Variants in BRMS1 observed in about 807,000 individuals in gnomAD.
BRMS1 encodes the protein breast cancer metastasis-suppressor 1.
In BRMS1, 26 loss-of-function variants were observed where a neutral mutation model predicts 40.4. The ratio of observed to expected loss-of-function variants is 0.64; its 90% CI spans 0.47 to 0.89. The LOEUF is 0.89. Among genes scored for constraint, BRMS1 ranks in the 40% least tolerant of loss-of-function variants. The probability of loss-of-function intolerance (pLI) is 0.00; values close to 1 mark genes in which losing one functional copy is unlikely to be tolerated. For synonymous variants in BRMS1, 103 were observed against 116.0 expected (o/e 0.89, Z 0.72); for missense variants, 289 against 309.4 (o/e 0.93, Z 0.49).
In BRMS1 at chr11:66,340,906, G is replaced by C. The variant is rs761751057; in HGVS notation, c.439-36C>G. On this transcript the variant is annotated intron_variant, in intron 5 of 9. Coordinates refer to ENST00000359957, the MANE Select transcript of BRMS1 (RefSeq NM_015399.4). ...GGGCAATAGCTCAGCAGGACGGATG[G>C]GGTGAGGCCACTTCAGGCTTTGTGC... 1.6e-5 allele frequency: 26 copies of C among 1,613,410 alleles called. No homozygotes were observed. In the African/African-American group the frequency reaches 2.3e-4, roughly 14 times the overall value.
Position 66,341,177 on chromosome 11 carries a change from G to C in BRMS1, c.358+29C>G. 1 of 1,611,184 alleles carries C rather than the reference G, an allele frequency of 6.2e-7. No individual in the cohort carries two copies. Among genetic ancestry groups the C allele is most frequent in the East Asian group, 2.2e-5 (1 of 44,788 alleles). ...GACAGGGTGCCACGGGTTCTGGGAG[G>C]GGAAGAGGGTACAGAACCACCCACA... On this transcript the variant is annotated intron_variant, in intron 4 of 9. Coordinates refer to ENST00000359957, the MANE Select transcript of BRMS1 (RefSeq NM_015399.4). The surrounding 1 kb of genome is among the most constrained non-coding windows in gnomAD (Gnocchi z 4.9).
rs999381221 is a variant in BRMS1, at chr11:66,341,434, C to T, written c.230+99G>A. Reference sequence around the variant, plus strand: ...TCCACAGCAAGCCCGGTGTTAGGCGCGCACTTCCTGGGCACCAACCACGCC... The same window carrying T: ...TCCACAGCAAGCCCGGTGTTAGGCGTGCACTTCCTGGGCACCAACCACGCC... On this transcript the variant is annotated intron_variant, in intron 3 of 9. Coordinates refer to ENST00000359957, the MANE Select transcript of BRMS1 (RefSeq NM_015399.4). This position sits in a 1 kb window ranked among gnomAD's most constrained non-coding sequence, Gnocchi z 4.9. 23 of 1,601,586 alleles carry T rather than the reference C, an allele frequency of 1.4e-5. No homozygotes were observed. In the East Asian group the frequency reaches 1.8e-4, roughly 12 times the overall value.
chr11:66,339,523 G>C (rs1204970174), intron 7 of BRMS1, among the ~76,000 whole-genome samples: 3 of 152,224 alleles, frequency 2.0e-5, no homozygotes, highest in Non-Finnish European at 4.4e-5. Context: ...GGACAGTCGG[G>C]ACAGGCAGGA....
chr11:66,339,994 T>C (rs1247972184), intron 7 of BRMS1, 127 bp downstream of exon 7: 1 of 710,106 alleles, frequency 1.4e-6, no homozygotes, highest in Non-Finnish European at 2.4e-6. Flanking sequence ...CATATTCACA[T>C]GACACCAAGC....
chr11:66,339,903 G>A (rs112569767), intron 7 of BRMS1: 69 of 472,648 alleles, frequency 1.5e-4, no homozygotes, highest in African/African-American at 6.8e-4. Context: ...AGCCCAGCCC[G>A]TTTCTGTTTT....
Position 66,340,978 on chromosome 11 carries a change from G to C in BRMS1, c.427C>G (p.Gln143Glu), listed in dbSNP as rs781328384. The C allele has an allele frequency of 6.2e-7, 1 of 1,614,126 alleles. No homozygotes were observed. Among genetic ancestry groups the C allele is most frequent in the East Asian group, 2.2e-5 (1 of 44,870 alleles). The change falls in exon 5 of 10, where the codon CAG becomes GAG. Residue 143 changes from glutamine to glutamate, a missense_variant. By Grantham distance (29) the Gln-to-Glu change is conservative. Coordinates refer to ENST00000359957, the MANE Select transcript of BRMS1 (RefSeq NM_015399.4). Reference protein sequence around the residue: ...KYECELQGAKQHLESEKLLLY... With the variant: ...KYECELQGAKEHLESEKLLLY... ...CCAATCAGGCCCACCTCCAGGTGCT[G>C]TTTGGCTCCCTGCAGCTCACATTCG...
intron 6 of BRMS1, 42 bp downstream of exon 6, chr11:66,340,732 G>A: frequency 6.5e-7 from 1 of 1,548,680 alleles, no homozygotes; most frequent in Non-Finnish European, 8.8e-7. Context: ...GGCGTGGACT[G>A]AGCGGGGCCC....
At position 66,341,148 on chromosome 11, in the gene BRMS1, AG is replaced by A. The variant is rs1855059182; in HGVS notation, c.358+57del. On this transcript the variant is annotated intron_variant, in intron 4 of 9. Coordinates refer to ENST00000359957, the MANE Select transcript of BRMS1 (RefSeq NM_015399.4). The surrounding 1 kb of genome is among the most constrained non-coding windows in gnomAD (Gnocchi z 4.9). Reference sequence around the variant, plus strand: ...AAGGCCGGGCAGGAACGAGAGAGGAAGGGGACAGGGTGCCACGGGTTCTGGG... The same window carrying A: ...AAGGCCGGGCAGGAACGAGAGAGGAAGGGACAGGGTGCCACGGGTTCTGGG... The A allele has an allele frequency of 6.2e-7, 1 of 1,612,236 alleles. No individual in the cohort carries two copies. The highest frequency in any genetic ancestry group is 2.2e-5 in the East Asian group (1 of 44,846).
At chr11:66,344,646 T>C (rs987723577) in intron 1 of BRMS1, 5 of 152,004 alleles carry the variant, frequency 3.3e-5, no homozygotes, top group Non-Finnish European at 7.4e-5. Flanking sequence ...AGCTCACAGG[T>C]GGTAAGGGAT....
rs11827816 is a variant in BRMS1, at chr11:66,338,190, G to A, written c.733+53C>T. The stretch of plus-strand genomic sequence containing the variant: ...GCTCCTTCCTGGAAGCTGAGCTGAG[G>A]AAAGGTGATGGCAAGGGGGCAGGGA... On this transcript the variant is annotated intron_variant, in intron 9 of 9. Transcript: ENST00000359957. 3,340 of 1,598,600 alleles carry A rather than the reference G, an allele frequency of 2.1e-3. 63 individuals are homozygous for A. The African/African-American group carries it at 0.04, about 19-fold the overall frequency.
At position 66,342,318 on chromosome 11, in the gene BRMS1, C is replaced by T. The variant is rs548389206; in HGVS notation, c.-7-77G>A. On this transcript the variant is annotated intron_variant, in intron 1 of 9. Coordinates refer to ENST00000359957, the MANE Select transcript of BRMS1 (RefSeq NM_015399.4). ...GAAAGAGGCAGCAGGATGCTGAACACAACTCGATCCCAGATGGGGAAAGCC... is the reference window on the plus strand; with the variant it reads ...GAAAGAGGCAGCAGGATGCTGAACATAACTCGATCCCAGATGGGGAAAGCC... The T allele has an allele frequency of 1.9e-6, 3 of 1,555,394 alleles. No individual in the cohort carries two copies. The African/African-American group carries it at 4.0e-5, about 21-fold the overall frequency.
At position 66,341,930 on chromosome 11, in the gene BRMS1, CTG is replaced by C. The variant is rs534684471; in HGVS notation, c.139+164_139+165del. 1.2e-5 allele frequency: 9 copies of C among 747,086 alleles called. No homozygotes were observed. The highest frequency in any genetic ancestry group is 5.6e-5 in the African/African-American group (3 of 53,174). 46.3% of individuals were successfully genotyped at this position (747,086 alleles called of 1,614,324 possible). A position where few individuals can be genotyped will look rare whatever the true frequency, so the allele number is the denominator to read the frequency against. On this transcript the variant is annotated intron_variant, in intron 2 of 9. Coordinates refer to ENST00000359957, the MANE Select transcript of BRMS1 (RefSeq NM_015399.4). This position sits in a 1 kb window ranked among gnomAD's most constrained non-coding sequence, Gnocchi z 4.9. ...GTGTGTGCGTGCTTGTGTGTAGGGGCTGTGTGTGCGTGTGTGCGCTTGTGTGC... is the reference window on the plus strand; with the variant it reads ...GTGTGTGCGTGCTTGTGTGTAGGGGCTGTGTGCGTGTGTGCGCTTGTGTGC...
chr11:66,342,616 G>A (rs1173732149), intron 1 of BRMS1, among the ~76,000 whole-genome samples: 4 of 152,238 alleles, frequency 2.6e-5, no homozygotes, highest in East Asian at 1.9e-4. Context: ...TGACAAGCTG[G>A]AGTGCAGTGG....
intron 9 of BRMS1, 43 bp from the exon 10 acceptor site, chr11:66,337,932 G>A (rs369711992): frequency 1.3e-6 from 2 of 1,585,868 alleles, no homozygotes; most frequent in Non-Finnish European, 1.7e-6. Flanking sequence ...CAGTTAGGAA[G>A]CTGAAAGGAA....
chr11:66,340,723 G>A (rs1855045069), intron 6 of BRMS1, 51 bp downstream of exon 6: 1 of 1,482,138 alleles, frequency 6.7e-7, no homozygotes, highest in East Asian at 2.3e-5. Flanking sequence ...AGAGGGGTGG[G>A]CGTGGACTGA....
chr11:66,338,903 G>T, intron 7 of BRMS1, 118 bp from the exon 8 acceptor site: 1 of 1,072,812 alleles, frequency 9.3e-7, no homozygotes. Context: ...TGAGGACCTG[G>T]GTCCGAGGTC....
rs1205384429 is a variant in BRMS1, at chr11:66,337,907, G to A, written c.734-18C>T. On this transcript the variant is annotated intron_variant, in intron 9 of 9. Transcript: ENST00000359957. ...TCAAGGTCCTGTGCATATGTGGGAAGAAGAAAACTGTCACCAGTTAGGAAG... is the reference window on the plus strand; with the variant it reads ...TCAAGGTCCTGTGCATATGTGGGAAAAAGAAAACTGTCACCAGTTAGGAAG... 6.3e-7 allele frequency: 1 copy of A among 1,599,644 alleles called. No homozygotes were observed. The highest frequency in any genetic ancestry group is 1.1e-5 in the South Asian group (1 of 90,362).
chr11:66,339,803 C>T, intron 7 of BRMS1: 1 of 267,682 alleles, frequency 3.7e-6, no homozygotes, highest in Non-Finnish European at 7.3e-6. Context: ...CACCATGTTG[C>T]CCAAGCTGGT....
chr11:66,340,683 C>T, intron 6 of BRMS1, 91 bp downstream of exon 6: 1 of 1,116,832 alleles, frequency 9.0e-7, no homozygotes, highest in Non-Finnish European at 1.3e-6. Context: ...CTCTGGCTGT[C>T]CCCTTGACTT....
Sources: gnomAD v4.1 joint callset for allele counts (sites outside exome capture counted in the v4.1 genomes callset) on GRCh38, gnomAD v4.1.1 for gene constraint, Gnocchi (gnomAD v3.1) non-coding constraint, MANE v1.5 for transcripts, NCBI Gene and HGNC (gene_info 2026-07-23, HGNC 2026-07-21) for gene names.